ZSCAN5C: variants seen among roughly 807,000 people sequenced by gnomAD.
ZSCAN5C encodes the protein zinc finger and SCAN domain containing 5C, also known as zinc finger and SCAN domain-containing protein 5C.
Under a neutral mutation model 17.3 loss-of-function variants are expected in ZSCAN5C, and 11 were observed. The ratio of observed to expected loss-of-function variants is 0.64; its 90% CI spans 0.40 to 1.06. The LOEUF (loss-of-function observed/expected upper bound fraction) is 1.06, where lower values mean the gene tolerates loss of function less well. Ranked by LOEUF, ZSCAN5C falls within the 50% of genes least tolerant of loss-of-function variation. ZSCAN5C has a pLI of 0.00. For synonymous variants in ZSCAN5C, 229 were observed against 208.4 expected, an observed-to-expected ratio of 1.10 and a Z score of -0.85; for missense variants, 698 against 538.9, an observed-to-expected ratio of 1.30 and a Z score of -2.92.
chr19:56,202,566 A>C (rs1466226252), intron 1 of ZSCAN5C, among the ~76,000 whole-genome samples: 5 of 151,954 alleles, frequency 3.3e-5, no homozygotes, highest in Admixed American at 2.0e-4. Context: ...GAATAATATT[A>C]ACTTTCTCAT....
chr19:56,207,614 T>C (rs1362717149), intron 3 of ZSCAN5C, among the ~76,000 whole-genome samples: 2 of 151,782 alleles, frequency 1.3e-5, no homozygotes, highest in Non-Finnish European at 2.9e-5. Flanking sequence ...CTCCTACAGA[T>C]TGTCAATTTC....
chr19:56,204,072 T>C (rs1267944695), intron 1 of ZSCAN5C, among the ~76,000 whole-genome samples: 3 of 151,960 alleles, frequency 2.0e-5, no homozygotes, highest in South Asian at 2.1e-4. Context: ...TACATGAGTA[T>C]ATTGAGTGAT....
Position 56,208,199 on chromosome 19 carries a change from T to A in ZSCAN5C, c.739+15T>A, listed in dbSNP as rs147995689. Reference sequence around the variant, plus strand: ...AAACAGTCCCAGTAAGTATGAAGACTTACACCTGTGTGGAGATAGCCCCTC... The same window carrying A: ...AAACAGTCCCAGTAAGTATGAAGACATACACCTGTGTGGAGATAGCCCCTC... On this transcript the variant is annotated intron_variant, in intron 4 of 4. Coordinates refer to ENST00000534327, the Ensembl canonical transcript of ZSCAN5C. 42 of 774,036 alleles carry A rather than the reference T, an allele frequency of 5.4e-5. No homozygotes were observed. The African/African-American group carries it at 6.5e-4, about 12-fold the overall frequency. 47.9% of individuals were successfully genotyped at this position (774,036 alleles called of 1,614,324 possible).
chr19:56,207,127 C>T lies in ZSCAN5C; in HGVS notation c.453C>T (p.Pro151=), dbSNP rs368508517. The T allele has an allele frequency of 2.0e-4, 151 of 773,922 alleles. 2 individuals are homozygous for T. Among genetic ancestry groups the T allele is most frequent in the African/African-American group, 1.4e-3 (80 of 58,824 alleles). 47.9% of individuals were successfully genotyped at this position (773,922 alleles called of 1,614,324 possible). A position where few individuals can be genotyped will look rare whatever the true frequency, so the allele number is the denominator to read the frequency against. The change falls in exon 3 of 5, where the codon CCC becomes CCT. Residue 151 remains proline, a synonymous_variant. Transcript: ENST00000534327. ...CAGATGTGGAGATGGCTGAAGCCCC[C>T]GCCAGTGTCAGAGATGATCCGAGAC...
intron 1 of ZSCAN5C, among the ~76,000 whole-genome samples, chr19:56,204,154 C>T (rs948522157): frequency 2.0e-5 from 3 of 151,598 alleles, no homozygotes; most frequent in African/African-American, 7.3e-5. Flanking sequence ...AGTTTTTCAA[C>T]CCTCCCTCCC....
At chr19:56,204,468 C>T (rs1043888568) in intron 1 of ZSCAN5C, among the ~76,000 whole-genome samples, 15 of 151,602 alleles carry the variant, frequency 9.9e-5, no homozygotes, top group East Asian at 9.6e-4. Flanking sequence ...TGAGTGATGA[C>T]GAGCACCTTT....
At chr19:56,203,640 A>ATTTTTTTTTT (rs564406569) in intron 1 of ZSCAN5C, among the ~76,000 whole-genome samples, 2 of 86,816 alleles carry the variant, frequency 2.3e-5, no homozygotes, top group Non-Finnish European at 4.2e-5. Context: ...TCTACTGGGA[A>ATTTTTTTTTT]TTTTTTTTTT....
exon 3 of ZSCAN5C, chr19:56,207,186 A>G (rs573534024): frequency 2.6e-6 from 2 of 778,680 alleles, no homozygotes; most frequent in African/African-American, 1.7e-5. Context: ...TCTGTGAACC[A>G]GATGTGTCCG....
At chr19:56,204,334 A>G (rs9916980) in intron 1 of ZSCAN5C, among the ~76,000 whole-genome samples, 18,579 of 142,300 alleles carry the variant, frequency 0.13, 1,381 homozygotes, top group African/African-American at 0.26. Flanking sequence ...ATCCCAGCAC[A>G]GGGCGCAGAG....
intron 3 of ZSCAN5C, 48 bp from the exon 4 acceptor site, chr19:56,207,985 TC>T (rs1215078825): frequency 1.5e-6 from 1 of 685,030 alleles, no homozygotes; most frequent in Non-Finnish European, 2.7e-6. Flanking sequence ...GACATGTCCT[TC>T]CACCGGTTTA....
downstream of ZSCAN5C, chr19:56,209,374 T>A (rs1451050546): frequency 5.8e-6 from 3 of 514,996 alleles, no homozygotes; most frequent in African/African-American, 5.8e-5. Context: ...AATTTTGGTT[T>A]TTGTTTCATT....
chr19:56,206,021 T>C (rs1194840149), exon 2 of ZSCAN5C: 8 of 1,612,126 alleles, frequency 5.0e-6, no homozygotes, highest in African/African-American at 4.0e-5. Context: ...TTGGAAATCA[T>C]GACAGTGATC....
rs1428306227 is a variant in ZSCAN5C at position 56,207,326 on chromosome 19, G to C, written c.588+64G>C. On this transcript the variant is annotated intron_variant, in intron 3 of 4. Transcript: ENST00000534327. ...AGAAGGAACGGGAGGAAATCGTGTG[G>C]CCACTGGACTGATTGAGAGATTTGG... 3 of 683,868 alleles carry C rather than the reference G, an allele frequency of 4.4e-6. No homozygotes were observed. The African/African-American group carries it at 5.4e-5, about 12-fold the overall frequency. 42.4% of individuals were successfully genotyped at this position (683,868 alleles called of 1,614,324 possible).
chr19:56,203,069 T>C (rs1047600058), intron 1 of ZSCAN5C, among the ~76,000 whole-genome samples: 1 of 151,906 alleles, frequency 6.6e-6, no homozygotes, highest in African/African-American at 2.4e-5. Flanking sequence ...TAATGGGAAA[T>C]GAACTGACAG....
At chr19:56,203,328 G>A (rs13382085) in intron 1 of ZSCAN5C, among the ~76,000 whole-genome samples, 8,759 of 151,812 alleles carry the variant, frequency 0.058, 592 homozygotes, top group East Asian at 0.25. Flanking sequence ...AGAAAGATAC[G>A]TATTTATGGT....
chr19:56,209,420 G>A (rs2146342716), downstream of ZSCAN5C: 1 of 472,284 alleles, frequency 2.1e-6, no homozygotes, highest in East Asian at 3.3e-5. Context: ...GGTTTGTGTT[G>A]CTGTTCTTTC....
intron 1 of ZSCAN5C, among the ~76,000 whole-genome samples, chr19:56,203,919 G>A (rs1004252947): frequency 6.6e-6 from 1 of 151,806 alleles, no homozygotes; most frequent in Admixed American, 6.6e-5. Context: ...AACGTGCTGG[G>A]ATTACAGGCG....
chr19:56,202,831 A>G (rs1054170863), intron 1 of ZSCAN5C, among the ~76,000 whole-genome samples: 1 of 151,978 alleles, frequency 6.6e-6, no homozygotes, highest in African/African-American at 2.4e-5. Flanking sequence ...TTGGAATTAC[A>G]GGTGTGAGCC....
At chr19:56,206,186 G>A (rs1250197789) in exon 2 of ZSCAN5C, 1 of 1,594,460 alleles carries the variant, frequency 6.3e-7, no homozygotes, top group African/African-American at 1.4e-5. Flanking sequence ...TGATGGAGCA[G>A]TTCATGATCT....
Sources: gnomAD v4.1 joint callset for allele counts (sites outside exome capture counted in the v4.1 genomes callset) on GRCh38, gnomAD v4.1.1 for gene constraint, MANE v1.5 for transcripts, NCBI Gene and HGNC (gene_info 2026-07-23, HGNC 2026-07-21) for gene names.